Variants in INPP4B observed in about 807,000 individuals in gnomAD.
The protein encoded by INPP4B is inositol polyphosphate-4-phosphatase type II B.
Under a neutral mutation model 122.5 loss-of-function variants are expected in INPP4B, and 55 were observed. The ratio of observed to expected loss-of-function variants is 0.45; its 90% CI spans 0.36 to 0.56. INPP4B has a LOEUF of 0.56. Among genes scored for constraint, INPP4B ranks in the 20% least tolerant of loss-of-function variants. The pLI, the probability that INPP4B is intolerant of heterozygous loss-of-function variation, is 0.00. For synonymous variants in INPP4B, 403 were observed against 388.7 expected, an observed-to-expected ratio of 1.04 and a Z score of -0.43; for missense variants, 1,000 against 1,097.7, an observed-to-expected ratio of 0.91 and a Z score of 1.26.
chr4:142,468,367 G>A (rs1818204062), intron 2 of INPP4B, among the ~76,000 whole-genome samples: 1 of 152,144 alleles, frequency 6.6e-6, no homozygotes, highest in Admixed American at 6.5e-5. Context: ...GGCAGAAGCT[G>A]AGTGAGATAC....
intron 2 of INPP4B, among the ~76,000 whole-genome samples, chr4:142,647,373 G>A (rs187095442): frequency 5.3e-5 from 8 of 152,148 alleles, no homozygotes; most frequent in East Asian, 1.9e-4. Context: ...TGAAACCTGC[G>A]CATATAATGC....
chr4:142,637,846 C>T (rs987105844), intron 2 of INPP4B, among the ~76,000 whole-genome samples: 3 of 152,166 alleles, frequency 2.0e-5, no homozygotes, highest in Non-Finnish European at 4.4e-5. Context: ...GCTCCATATG[C>T]TCACCGACAT....
intron 1 of INPP4B, among the ~76,000 whole-genome samples, chr4:142,748,154 A>C (rs193260862): frequency 6.6e-6 from 1 of 152,160 alleles, no homozygotes; most frequent in Non-Finnish European, 1.5e-5. Flanking sequence ...CCACTTCTAA[A>C]TAACCCATAG....
intron 1 of INPP4B, among the ~76,000 whole-genome samples, chr4:142,726,517 C>G (rs1765369060): frequency 6.6e-6 from 1 of 152,080 alleles, no homozygotes; most frequent in African/African-American, 2.4e-5. Context: ...TATCTTATTC[C>G]CTGCCTTAAT....
intron 2 of INPP4B, among the ~76,000 whole-genome samples, chr4:142,723,039 A>AAG (rs869089502): frequency 7.8e-6 from 1 of 128,462 alleles, no homozygotes; most frequent in African/African-American, 2.9e-5. Flanking sequence ...CATCAAATAA[A>AAG]CCAAAATAAA....
intron 2 of INPP4B, among the ~76,000 whole-genome samples, chr4:142,714,953 G>GA (rs1291122763): frequency 3.5e-4 from 53 of 152,270 alleles, no homozygotes; most frequent in African/African-American, 1.2e-3. Flanking sequence ...ATGTTAACAA[G>GA]AAAATAAACA....
intron 2 of INPP4B, among the ~76,000 whole-genome samples, chr4:142,700,582 A>C (rs183200511): frequency 5.1e-4 from 77 of 152,314 alleles, no homozygotes; most frequent in African/African-American, 1.7e-3. Flanking sequence ...CTTTTGGGAA[A>C]GAAAAGAGCA....
intron 2 of INPP4B, among the ~76,000 whole-genome samples, chr4:142,619,705 C>T (rs1744472467): frequency 6.6e-6 from 1 of 152,054 alleles, no homozygotes; most frequent in Non-Finnish European, 1.5e-5. Flanking sequence ...ATTGTGCCCA[C>T]AGTTAATACT....
At position 142,199,519 on chromosome 4, in the gene INPP4B, G is replaced by T. The variant is rs554864548; in HGVS notation, c.1073-6324C>A. 2.0e-5 allele frequency among the ~76,000 whole-genome samples: 3 copies of T among 152,146 alleles called. No individual in the cohort carries two copies. In the East Asian group the frequency reaches 5.8e-4, roughly 29 times the overall value. ...TTTAATATGCTGTCTAAACAGGAAG[G>T]AATATAGAATTCCTTTAAGAAGATG... On this transcript the variant is annotated intron_variant, in intron 14 of 25. Coordinates refer to ENST00000262992, the MANE Select transcript of INPP4B (RefSeq NM_001101669.3).
intron 7 of INPP4B, among the ~76,000 whole-genome samples, chr4:142,400,522 T>C (rs900724559): frequency 1.3e-5 from 2 of 151,982 alleles, no homozygotes; most frequent in Non-Finnish European, 2.9e-5. Flanking sequence ...ACTTAAGAAA[T>C]GAAAGAAAGG....
At chr4:142,352,623 T>G (rs2151823719) in intron 7 of INPP4B, among the ~76,000 whole-genome samples, 1 of 151,854 alleles carries the variant, frequency 6.6e-6, no homozygotes, top group South Asian at 2.1e-4. Context: ...CTTTTGGGGG[T>G]TTATGGCACA....
At chr4:142,498,026 G>A (rs1434586700) in intron 2 of INPP4B, among the ~76,000 whole-genome samples, 1 of 151,586 alleles carries the variant, frequency 6.6e-6, no homozygotes, top group Non-Finnish European at 1.5e-5. Flanking sequence ...TATATAATTT[G>A]TTTTTATGAG....
At chr4:142,503,444 AAATT>A (rs1823635896) in intron 2 of INPP4B, among the ~76,000 whole-genome samples, 2 of 152,224 alleles carry the variant, frequency 1.3e-5, no homozygotes, top group Middle Eastern at 3.2e-3. Flanking sequence ...AAATACTGAG[AAATT>A]AATAAAAACA....
intron 15 of INPP4B, among the ~76,000 whole-genome samples, chr4:142,179,711 C>T (rs1285447722): frequency 6.6e-6 from 1 of 152,062 alleles, no homozygotes; most frequent in Non-Finnish European, 1.5e-5. Context: ...TTTTTATGTA[C>T]ATCCTTTATT....
chr4:142,485,379 C>T (rs967863462), intron 2 of INPP4B, among the ~76,000 whole-genome samples: 5 of 152,054 alleles, frequency 3.3e-5, no homozygotes, highest in Admixed American at 6.6e-5. Context: ...TAATGATATT[C>T]ATTCTACAAG....
At chr4:142,392,543 T>C (rs565996657) in intron 7 of INPP4B, among the ~76,000 whole-genome samples, 172 of 152,336 alleles carry the variant, frequency 1.1e-3, no homozygotes, top group Non-Finnish European at 2.2e-3. Context: ...TCACTCCTCT[T>C]AACCCACATC....
At chr4:142,728,246 G>A (rs922718641) in intron 1 of INPP4B, among the ~76,000 whole-genome samples, 2 of 152,156 alleles carry the variant, frequency 1.3e-5, no homozygotes, top group African/African-American at 4.8e-5. Flanking sequence ...ACGAAACACT[G>A]TTTCAGACTC....
At chr4:142,049,862 A>T (rs1211389931) in intron 25 of INPP4B, among the ~76,000 whole-genome samples, 10 of 152,024 alleles carry the variant, frequency 6.6e-5, no homozygotes, top group African/African-American at 2.2e-4. Context: ...ATCTATCAAT[A>T]AGCAGAAATT....
intron 7 of INPP4B, among the ~76,000 whole-genome samples, chr4:142,340,824 G>A (rs1778460611): frequency 1.3e-5 from 2 of 151,980 alleles, no homozygotes; most frequent in Non-Finnish European, 2.9e-5. Context: ...CCTAGAGCAG[G>A]CCTCTAGAGT....
Sources: allele counts gnomAD v4.1 joint callset (sites outside exome capture counted in the v4.1 genomes callset), GRCh38; gene constraint gnomAD v4.1.1; transcripts MANE v1.5; gene names NCBI Gene and HGNC (gene_info 2026-07-23, HGNC 2026-07-21).